Variants in PCDHGA7 observed in about 807,000 individuals in gnomAD.
The protein encoded by PCDHGA7 is protocadherin gamma-A7.
Under a neutral mutation model 58.3 loss-of-function variants are expected in PCDHGA7, and 44 were observed. The observed-to-expected ratio is 0.75, with a 90% confidence interval of 0.59 to 0.97. The LOEUF (loss-of-function observed/expected upper bound fraction) is 0.97. Ranked by LOEUF, PCDHGA7 falls within the 50% of genes least tolerant of loss-of-function variation. The pLI is 0.00. For missense variants in PCDHGA7, 1,266 were observed against 1,188.7 expected (o/e 1.06, Z -0.96); for synonymous variants, 516 against 504.2 (o/e 1.02, Z -0.31).
At chr5:141,428,313 C>T in intron 1 of PCDHGA7, 1 of 671,482 alleles carries the variant, frequency 1.5e-6, no homozygotes, top group Non-Finnish European at 2.6e-6. Context: ...TGGTCGTGGC[C>T]TTGGCCTTGA....
In PCDHGA7 at chr5:141,438,090, A is replaced by G. The variant is rs560861677; in HGVS notation, c.2424+52767A>G. 1.2e-4 allele frequency among the ~76,000 whole-genome samples: 18 copies of G among 152,310 alleles called. No individual in the cohort carries two copies. In the South Asian group the frequency reaches 3.5e-3, roughly 30 times the overall value. ...CATACTTAATGGAAAATTACCAGTA[A>G]CAGGGCATACTGTTTAGGATGCATT... On this transcript the variant is annotated intron_variant, in intron 1 of 3. Coordinates refer to ENST00000518325, the MANE Select transcript of PCDHGA7 (RefSeq NM_018920.4).
At position 141,487,448 on chromosome 5, in the gene PCDHGA7, C is replaced by T; in HGVS notation, c.2425-7359C>T. The stretch of plus-strand genomic sequence containing the variant: ...CCGAATCCAGCTAGGGTCAGATGAC[C>T]CTATCAAGTTTGTTGATGTGGGAGG... On this transcript the variant is annotated intron_variant, in intron 1 of 3. Coordinates refer to ENST00000518325, the MANE Select transcript of PCDHGA7 (RefSeq NM_018920.4). The surrounding 1 kb of genome is among the most constrained non-coding windows in gnomAD (Gnocchi z 5.0). 6.8e-6 allele frequency: 11 copies of T among 1,614,146 alleles called. No individual in the cohort carries two copies. The highest frequency in any genetic ancestry group is 9.3e-6 in the Non-Finnish European group (11 of 1,180,028).
At chr5:141,420,215 A>G in intron 1 of PCDHGA7, 2 of 1,612,096 alleles carry the variant, frequency 1.2e-6, no homozygotes, top group South Asian at 1.1e-5. Context: ...CAAAGATAGC[A>G]TGCTACTGGC....
intron 1 of PCDHGA7, among the ~76,000 whole-genome samples, chr5:141,433,465 C>T (rs1386201581): frequency 6.6e-6 from 1 of 152,060 alleles, no homozygotes; most frequent in Non-Finnish European, 1.5e-5. Context: ...GAAACTTGGG[C>T]TCAGGCTAGC....
chr5:141,432,940 T>C lies in PCDHGA7; in HGVS notation c.2424+47617T>C, dbSNP rs142546730. On this transcript the variant is annotated intron_variant, in intron 1 of 3. Transcript: ENST00000518325. This position sits in a 1 kb window ranked among gnomAD's most constrained non-coding sequence, Gnocchi z 6.0. ...GGCACAAGTCACGCCTGCTGCAGGC[T>C]TCAGGAGGCGGCTTGACAGGAGCGC... 6 of 1,614,208 alleles carry C rather than the reference T, an allele frequency of 3.7e-6. No individual in the cohort carries two copies. The highest frequency in any genetic ancestry group is 4.2e-6 in the Non-Finnish European group (5 of 1,180,040).
chr5:141,494,076 G>A (rs538740530), intron 1 of PCDHGA7, among the ~76,000 whole-genome samples: 24 of 152,234 alleles, frequency 1.6e-4, no homozygotes, highest in African/African-American at 4.3e-4. Flanking sequence ...ATCCCTCCCC[G>A]CTGCATCCCT....
intron 1 of PCDHGA7, among the ~76,000 whole-genome samples, chr5:141,484,369 G>A (rs1218433750): frequency 6.6e-6 from 1 of 152,164 alleles, no homozygotes; most frequent in Non-Finnish European, 1.5e-5. Flanking sequence ...TGTATCACTA[G>A]CAAATGTCTG....
intron 1 of PCDHGA7, among the ~76,000 whole-genome samples, chr5:141,451,493 T>C (rs1554137340): frequency 2.0e-5 from 3 of 152,230 alleles, no homozygotes; most frequent in Admixed American, 2.0e-4. Context: ...TGGACCTCCA[T>C]AGGGCAACCA....
rs749415234 is a variant in PCDHGA7, at chr5:141,419,462, C to A, written c.2424+34139C>A. On this transcript the variant is annotated intron_variant, in intron 1 of 3. Transcript: ENST00000518325. Reference sequence around the variant, plus strand: ...CACCTTCGAGCTCACGCTGCAGGCCCGCGACCAGGGCTCGCCCGCGCTCAG... The same window carrying A: ...CACCTTCGAGCTCACGCTGCAGGCCAGCGACCAGGGCTCGCCCGCGCTCAG... 2.5e-6 allele frequency: 4 copies of A among 1,612,582 alleles called. No homozygotes were observed. In the Admixed American group the frequency reaches 6.7e-5, roughly 27 times the overall value.
At chr5:141,421,278 G>A (rs764787116) in intron 1 of PCDHGA7, 1 of 1,612,872 alleles carries the variant, frequency 6.2e-7, no homozygotes, top group African/African-American at 1.3e-5. Flanking sequence ...TGCTGCTGCT[G>A]TGCATTTTCC....
chr5:141,485,682 A>G lies in PCDHGA7; in HGVS notation c.2425-9125A>G, dbSNP rs779441999. Reference sequence around the variant, plus strand: ...GTGGGGAGCAATTCGATTAGCAGCTATAGGCTGAGCTCCAATGAACACTTT... The same window carrying G: ...GTGGGGAGCAATTCGATTAGCAGCTGTAGGCTGAGCTCCAATGAACACTTT... On this transcript the variant is annotated intron_variant, in intron 1 of 3. Coordinates refer to ENST00000518325, the MANE Select transcript of PCDHGA7 (RefSeq NM_018920.4). This position sits in a 1 kb window ranked among gnomAD's most constrained non-coding sequence, Gnocchi z 5.7. 6.2e-7 allele frequency: 1 copy of G among 1,614,076 alleles called. No homozygotes were observed. Among genetic ancestry groups the G allele is most frequent in the Non-Finnish European group, 8.5e-7 (1 of 1,179,964 alleles).
Position 141,487,247 on chromosome 5 carries a change from T to C in PCDHGA7, c.2425-7560T>C. Reference sequence around the variant, plus strand: ...GGAAGGAGAATCTCGTCTAACCCTCTACTTGGCTGTGTCCCTAGTGGCAAT... The same window carrying C: ...GGAAGGAGAATCTCGTCTAACCCTCCACTTGGCTGTGTCCCTAGTGGCAAT... On this transcript the variant is annotated intron_variant, in intron 1 of 3. Transcript: ENST00000518325. This position sits in a 1 kb window ranked among gnomAD's most constrained non-coding sequence, Gnocchi z 5.0. 1 of 1,614,174 alleles carries C rather than the reference T, an allele frequency of 6.2e-7. No individual in the cohort carries two copies. The highest frequency in any genetic ancestry group is 1.3e-5 in the African/African-American group (1 of 75,048).
Position 141,431,560 on chromosome 5 carries a change from C to G in PCDHGA7, c.2424+46237C>G, listed in dbSNP as rs751276470. The G allele has an allele frequency of 6.2e-7, 1 of 1,613,986 alleles. No individual in the cohort carries two copies. The highest frequency in any genetic ancestry group is 1.7e-5 in the Admixed American group (1 of 60,016). On this transcript the variant is annotated intron_variant, in intron 1 of 3. Transcript: ENST00000518325. This position sits in a 1 kb window ranked among gnomAD's most constrained non-coding sequence, Gnocchi z 4.8. Reference sequence around the variant, plus strand: ...CGCAGCTGCTTGTAGTCAACGCTACCGACCCTGACGAAGGAGTCAATGCGG... The same window carrying G: ...CGCAGCTGCTTGTAGTCAACGCTACGGACCCTGACGAAGGAGTCAATGCGG...
chr5:141,466,812 G>T (rs1394979761), intron 1 of PCDHGA7, among the ~76,000 whole-genome samples: 1 of 151,940 alleles, frequency 6.6e-6, no homozygotes, highest in African/African-American at 2.4e-5. Flanking sequence ...ATTCAGACAT[G>T]GTATAACAAG....
At chr5:141,388,734 G>C in intron 1 of PCDHGA7, 1 of 1,614,018 alleles carries the variant, frequency 6.2e-7, no homozygotes, top group Non-Finnish European at 8.5e-7. Flanking sequence ...TTTCAGTGAA[G>C]CTAGCCAGAT....
At chr5:141,506,863 G>A (rs1162975959) in intron 3 of PCDHGA7, among the ~76,000 whole-genome samples, 1 of 152,120 alleles carries the variant, frequency 6.6e-6, no homozygotes, top group Non-Finnish European at 1.5e-5. Context: ...GAGGACTGGT[G>A]GGTAGAGAAC....
rs368371918 is a variant in PCDHGA7 at position 141,432,800 on chromosome 5, C to G, written c.2424+47477C>G. Reference sequence around the variant, plus strand: ...GGCGGACCTCGGCAGCCTCGAGTCTCCAGCTAACTCTGAAACCTCAGACCT... The same window carrying G: ...GGCGGACCTCGGCAGCCTCGAGTCTGCAGCTAACTCTGAAACCTCAGACCT... On this transcript the variant is annotated intron_variant, in intron 1 of 3. Coordinates refer to ENST00000518325, the MANE Select transcript of PCDHGA7 (RefSeq NM_018920.4). This position sits in a 1 kb window ranked among gnomAD's most constrained non-coding sequence, Gnocchi z 6.0. The G allele has an allele frequency of 9.9e-6, 16 of 1,614,038 alleles. No individual in the cohort carries two copies. Among genetic ancestry groups the G allele is most frequent in the Non-Finnish European group, 1.3e-5 (15 of 1,180,016 alleles).
intron 1 of PCDHGA7, chr5:141,393,778 A>G (rs756686929): frequency 1.2e-5 from 20 of 1,613,954 alleles, no homozygotes; most frequent in Non-Finnish European, 1.7e-5. Flanking sequence ...ATACAAGCCG[A>G]AGATGTGGGG....
Position 141,510,979 on chromosome 5 carries a change from G to A in PCDHGA7, c.2605G>A (p.Gly869Ser). 6.2e-7 allele frequency: 1 copy of A among 1,614,156 alleles called. No homozygotes were observed. The highest frequency in any genetic ancestry group is 8.5e-7 in the Non-Finnish European group (1 of 1,180,018). Reference sequence around the variant, plus strand: ...TGATGGGAGCTCCACCCTGGGAGGGGGTGCCGGCACCATGGGATTGAGCGC... The same window carrying A: ...TGATGGGAGCTCCACCCTGGGAGGGAGTGCCGGCACCATGGGATTGAGCGC... ...AADGSSTLGG[G>S]AGTMGLSARY... The change falls in exon 4 of 4, where the codon GGT becomes AGT. Residue 869 changes from glycine (G) to serine (S), a missense_variant. Physicochemically the swap from Gly to Ser is moderately conservative, Grantham distance 56. Transcript: ENST00000518325.
Sources: gnomAD v4.1 joint callset for allele counts (sites outside exome capture counted in the v4.1 genomes callset) on GRCh38, gnomAD v4.1.1 for gene constraint, Gnocchi (gnomAD v3.1) non-coding constraint, MANE v1.5 for transcripts, NCBI Gene and HGNC (gene_info 2026-07-23, HGNC 2026-07-21) for gene names.